SKAP1: variants seen among roughly 807,000 people sequenced by gnomAD.
SKAP1 encodes the protein src kinase-associated phosphoprotein 1.
SKAP1 carries 44 observed loss-of-function variants against 58.5 expected under a neutral mutation model. That is an observed-to-expected ratio of 0.75 (90% confidence interval 0.59 to 0.97). SKAP1 has a LOEUF of 0.97. Ranked by LOEUF, SKAP1 falls within the 50% of genes least tolerant of loss-of-function variation. The probability of loss-of-function intolerance (pLI) is 0.00; values close to 1 mark genes in which losing one functional copy is unlikely to be tolerated. For missense variants in SKAP1, 390 were observed against 435.2 expected (o/e 0.90, Z 0.92); for synonymous variants, 127 against 149.7 (o/e 0.85, Z 1.11).
chr17:48,411,892 C>T (rs1448064970), intron 1 of SKAP1, among the ~76,000 whole-genome samples: 1 of 152,042 alleles, frequency 6.6e-6, no homozygotes, highest in East Asian at 1.9e-4. Context: ...GCCCAAGGAG[C>T]CTAAACTAAA....
chr17:48,233,812 T>C (rs2065151340), intron 4 of SKAP1, among the ~76,000 whole-genome samples: 1 of 152,018 alleles, frequency 6.6e-6, no homozygotes, highest in Admixed American at 6.6e-5. Context: ...GCTGAGATTG[T>C]GCCATTGTAC....
intron 4 of SKAP1, among the ~76,000 whole-genome samples, chr17:48,334,661 C>A (rs915863449): frequency 5.3e-5 from 8 of 151,496 alleles, no homozygotes; most frequent in Admixed American, 1.3e-4. Flanking sequence ...GATTGCCTAA[C>A]CTGATTATAG....
At chr17:48,241,180 G>T (rs1360893551) in intron 4 of SKAP1, among the ~76,000 whole-genome samples, 1 of 152,204 alleles carries the variant, frequency 6.6e-6, no homozygotes, top group Non-Finnish European at 1.5e-5. Context: ...GTCATCACTA[G>T]CCTCTAGCAA....
At chr17:48,412,352 A>G (rs1042606391) in intron 1 of SKAP1, among the ~76,000 whole-genome samples, 1 of 152,188 alleles carries the variant, frequency 6.6e-6, no homozygotes, top group East Asian at 1.9e-4. Context: ...TATATTCTCT[A>G]TATTTCTAAA....
At chr17:48,383,632 T>C (rs1209704072) in intron 2 of SKAP1, among the ~76,000 whole-genome samples, 1 of 151,938 alleles carries the variant, frequency 6.6e-6, no homozygotes, top group East Asian at 1.9e-4. Context: ...AGCCTAATTT[T>C]CTCTTCCTAC....
At chr17:48,181,195 C>T (rs1245256825) in intron 8 of SKAP1, among the ~76,000 whole-genome samples, 1 of 152,124 alleles carries the variant, frequency 6.6e-6, no homozygotes, top group Non-Finnish European at 1.5e-5. Flanking sequence ...TTGGTGCCAC[C>T]ACATACGAGG....
chr17:48,222,687 C>T (rs2065018613), intron 4 of SKAP1, among the ~76,000 whole-genome samples: 1 of 150,964 alleles, frequency 6.6e-6, no homozygotes, highest in Non-Finnish European at 1.5e-5. Flanking sequence ...ACCATGTTGG[C>T]CAGGCTGGTC....
Position 48,363,923 on chromosome 17 carries a change from A to G in SKAP1, c.153-109T>C, listed in dbSNP as rs2066969396. The stretch of plus-strand genomic sequence containing the variant: ...TGGTCCAAAAAGCTTGCTAAAGTCT[A>G]TAACCAGCCAAAGTCACTACTAATT... On this transcript the variant is annotated intron_variant, in intron 2 of 12. Transcript: ENST00000336915. The G allele has an allele frequency of 1.4e-5, 10 of 725,064 alleles. No homozygotes were observed. The Admixed American group carries it at 3.0e-4, about 21-fold the overall frequency. The allele number at this position is 725,064 out of a possible 1,614,324, so 44.9% of individuals were successfully genotyped here. A position where few individuals can be genotyped will look rare whatever the true frequency, so the allele number is the denominator to read the frequency against.
At chr17:48,224,068 A>AAGG (rs1407926748) in intron 4 of SKAP1, among the ~76,000 whole-genome samples, 1 of 19,244 alleles carries the variant, frequency 5.2e-5, no homozygotes, top group Non-Finnish European at 9.6e-5. Context: ...GGAGGAGGAG[A>AAGG]AGGAGGAGGA....
chr17:48,158,301 C>A (rs1458296264), intron 11 of SKAP1, among the ~76,000 whole-genome samples: 1 of 151,212 alleles, frequency 6.6e-6, no homozygotes, highest in Non-Finnish European at 1.5e-5. Context: ...AATCCTAACA[C>A]TTTGGGAGGC....
At chr17:48,236,225 G>A (rs958931845) in intron 4 of SKAP1, among the ~76,000 whole-genome samples, 3 of 152,182 alleles carry the variant, frequency 2.0e-5, no homozygotes, top group African/African-American at 7.2e-5. Context: ...TTTAGGTACT[G>A]GAGAGACAAA....
chr17:48,324,939 G>A (rs1251063424), intron 4 of SKAP1, among the ~76,000 whole-genome samples: 5 of 151,878 alleles, frequency 3.3e-5, no homozygotes, highest in Admixed American at 3.3e-4. Flanking sequence ...CATTTCTATT[G>A]CTCTTTTAAG....
intron 4 of SKAP1, among the ~76,000 whole-genome samples, chr17:48,325,122 G>T (rs552790760): frequency 6.6e-6 from 1 of 151,862 alleles, no homozygotes; most frequent in Non-Finnish European, 1.5e-5. Context: ...GGTGGCGGGC[G>T]CCTGTAGTCC....
intron 4 of SKAP1, among the ~76,000 whole-genome samples, chr17:48,317,372 C>T (rs555462562): frequency 1.3e-5 from 2 of 152,074 alleles, no homozygotes; most frequent in Admixed American, 1.3e-4. Flanking sequence ...GTAGAACTAT[C>T]ACAAACATGG....
intron 3 of SKAP1, among the ~76,000 whole-genome samples, chr17:48,346,876 T>C (rs1176450903): frequency 1.3e-5 from 2 of 152,226 alleles, no homozygotes; most frequent in East Asian, 1.9e-4. Context: ...TCTTTCTTTG[T>C]AATTCTAGTT....
intron 3 of SKAP1, among the ~76,000 whole-genome samples, chr17:48,363,433 A>C (rs772803489): frequency 6.6e-6 from 1 of 152,242 alleles, no homozygotes; most frequent in Non-Finnish European, 1.5e-5. Flanking sequence ...ATGAAGGATT[A>C]GCTGAGTTGG....
intron 4 of SKAP1, among the ~76,000 whole-genome samples, chr17:48,284,888 A>G (rs948259877): frequency 8.5e-5 from 13 of 152,234 alleles, no homozygotes; most frequent in Non-Finnish European, 1.8e-4. Context: ...AGTAGTCATT[A>G]AACTCTGATC....
chr17:48,193,592 C>T, intron 4 of SKAP1: 2 of 693,838 alleles, frequency 2.9e-6, no homozygotes, highest in Non-Finnish European at 3.5e-6. Flanking sequence ...TCATTAGCTC[C>T]ATGATCTATC....
intron 4 of SKAP1, among the ~76,000 whole-genome samples, chr17:48,336,162 G>A (rs915036147): frequency 1.3e-5 from 2 of 152,022 alleles, no homozygotes; most frequent in Non-Finnish European, 2.9e-5. Flanking sequence ...AATTACAACA[G>A]GCCATAATAC....
Sources: allele counts gnomAD v4.1 joint callset (sites outside exome capture counted in the v4.1 genomes callset), GRCh38; gene constraint gnomAD v4.1.1; transcripts MANE v1.5; gene names NCBI Gene and HGNC (gene_info 2026-07-23, HGNC 2026-07-21).